The following FBXO6 variants were observed in gnomAD, a reference collection of about 807,000 sequenced individuals.
FBXO6 encodes the protein F-box protein 6.
In FBXO6, 13 loss-of-function variants were observed where a neutral mutation model predicts 25.0. That is an observed-to-expected ratio of 0.52 (90% confidence interval 0.34 to 0.83). The LOEUF (loss-of-function observed/expected upper bound fraction) is 0.83. FBXO6 is among the 40% of genes least tolerant of loss of function. The pLI, the probability that FBXO6 is intolerant of heterozygous loss-of-function variation, is 0.02. For missense variants in FBXO6, 370 were observed against 380.2 expected (o/e 0.97, Z 0.22); for synonymous variants, 138 against 155.3 (o/e 0.89, Z 0.83).
In FBXO6 at chr1:11,673,303, G is replaced by A; in HGVS notation, c.536G>A (p.Cys179Tyr). The change falls in exon 5 of 6, where the codon TGC becomes TAC. Residue 179 changes from cysteine (C) to tyrosine (Y), a missense_variant. Physicochemically the swap from Cys to Tyr is radical, Grantham distance 194. Coordinates refer to ENST00000376753, the MANE Select transcript of FBXO6 (RefSeq NM_018438.6). This position sits in a 1 kb window ranked among gnomAD's most constrained non-coding sequence, Gnocchi z 4.3. ...TTTGCTGCCAGAGCCGACTGTGGCT[G>A]CACCTACCAACTCAAAGTGCAGCTG... The part of the protein sequence containing the change: ...DWFAARADCG[C>Y]TYQLKVQLAS... The A allele has an allele frequency of 6.2e-7, 1 of 1,613,886 alleles. No homozygotes were observed. The highest frequency in any genetic ancestry group is 8.5e-7 in the Non-Finnish European group (1 of 1,179,948).
At chr1:11,665,429 G>C (rs1355335800) in intron 1 of FBXO6, among the ~76,000 whole-genome samples, 1 of 150,190 alleles carries the variant, frequency 6.7e-6, no homozygotes, top group Non-Finnish European at 1.5e-5. Flanking sequence ...CTAATTTTTT[G>C]TATTTTTAGT....
intron 1 of FBXO6, among the ~76,000 whole-genome samples, chr1:11,665,197 A>C (rs939264736): frequency 1.5e-5 from 2 of 129,118 alleles, no homozygotes; most frequent in Admixed American, 8.0e-5. Context: ...GGCACGGGCC[A>C]CCAGGCCTAG....
intron 2 of FBXO6, among the ~76,000 whole-genome samples, chr1:11,670,390 A>G (rs1040576946): frequency 6.6e-6 from 1 of 151,856 alleles, no homozygotes; most frequent in African/African-American, 2.4e-5. Context: ...CCCAAAGGGT[A>G]CCTGTTCTTC....
intron 1 of FBXO6, among the ~76,000 whole-genome samples, chr1:11,666,908 AG>A (rs1179284465): frequency 1.3e-5 from 2 of 152,040 alleles, no homozygotes; most frequent in Admixed American, 6.5e-5. Context: ...AGACTTCAGG[AG>A]GCTGAGGCGG....
At chr1:11,668,596 C>G in intron 1 of FBXO6, 60 bp from the exon 2 acceptor site, 1 of 1,575,664 alleles carries the variant, frequency 6.3e-7, no homozygotes, top group Non-Finnish European at 8.7e-7. Context: ...TGGCCTGGTT[C>G]CCTGGGGACC....
In FBXO6 at chr1:11,673,006, G is replaced by T. The variant is rs555834233; in HGVS notation, c.510-271G>T. ...GGACAGACCAGGCCTCTCTGGAGGG[G>T]TCTTTTGATTTTTGAGGTCATATCT... is the stretch of plus-strand genomic sequence containing the variant. On this transcript the variant is annotated intron_variant, in intron 4 of 5. Coordinates refer to ENST00000376753, the MANE Select transcript of FBXO6 (RefSeq NM_018438.6). The surrounding 1 kb of genome is among the most constrained non-coding windows in gnomAD (Gnocchi z 4.3). Among the ~76,000 whole-genome samples the T allele has an allele frequency of 6.6e-6, 1 of 152,220 alleles. No homozygotes were observed. Among genetic ancestry groups the T allele is most frequent in the Non-Finnish European group, 1.5e-5 (1 of 68,038 alleles).
rs1250543481 is a variant in FBXO6 at position 11,673,805 on chromosome 1, A to T, written c.836A>T (p.Glu279Val). ...CAGCCTGGGCAGAAGCATGGACAGG[A>T]GGAGGCTGCCCAATCGCCCTACCGA... ...EAQPGQKHGQ[E>V]EAAQSPYRAV... Residue 279 changes from glutamate (E) to valine (V), a missense_variant, in exon 6 of 6, where the codon GAG (glutamate) becomes GTG (valine). Coordinates refer to ENST00000376753, the MANE Select transcript of FBXO6 (RefSeq NM_018438.6). The surrounding 1 kb of genome is among the most constrained non-coding windows in gnomAD (Gnocchi z 4.3). 3 of 1,614,072 alleles carry T rather than the reference A, an allele frequency of 1.9e-6. No individual in the cohort carries two copies. Among genetic ancestry groups the T allele is most frequent in the Non-Finnish European group, 8.5e-7 (1 of 1,180,024 alleles).
At chr1:11,664,724 TC>T (rs1158737266) in intron 1 of FBXO6, 1 of 152,190 alleles carries the variant, frequency 6.6e-6, no homozygotes, top group Non-Finnish European at 1.5e-5. Context: ...AGTTTCTGTT[TC>T]CGAGAAACCG....
In FBXO6 at chr1:11,668,917, A is replaced by G. The variant is rs755551383; in HGVS notation, c.259A>G (p.Asn87Asp). ...CTACTTCCTACGGAGCCTGCATAGG[A>G]ACCTCCTGCGCAACCCGTGTGCTGA... The part of the protein sequence containing the change: ...IFYFLRSLHR[N>D]LLRNPCAEED... Residue 87 changes from asparagine (N) to aspartate (D), a missense_variant, in exon 2 of 6, where the codon AAC (asparagine) becomes GAC (aspartate). By Grantham distance (23) the Asn-to-Asp change is conservative. Coordinates refer to ENST00000376753, the MANE Select transcript of FBXO6 (RefSeq NM_018438.6). 3.1e-6 allele frequency: 5 copies of G among 1,613,936 alleles called. No homozygotes were observed. The East Asian group carries it at 1.1e-4, about 36-fold the overall frequency.
At chr1:11,664,690 C>CG (rs547610582) in intron 1 of FBXO6, 10 of 152,378 alleles carry the variant, frequency 6.6e-5, no homozygotes, top group African/African-American at 2.4e-4. Flanking sequence ...CTGCGAGATC[C>CG]GGCGCTTGCC....
chr1:11,672,131 C>A (rs1257456768), intron 4 of FBXO6, 108 bp downstream of exon 4: 2 of 1,038,720 alleles, frequency 1.9e-6, no homozygotes, highest in Non-Finnish European at 2.9e-6. Context: ...CAGCAGTGCC[C>A]TGGAGCCAGG....
chr1:11,673,497 G>T lies in FBXO6; in HGVS notation c.645+85G>T. 6.3e-7 allele frequency: 1 copy of T among 1,583,050 alleles called. No homozygotes were observed. The highest frequency in any genetic ancestry group is 1.2e-5 in the South Asian group (1 of 86,544). Reference sequence around the variant, plus strand: ...GCAAAGGGCAGCCTCAGGGCCCAGGGTGCCCCTGCTGGCCTGGAGCTGTTG... The same window carrying T: ...GCAAAGGGCAGCCTCAGGGCCCAGGTTGCCCCTGCTGGCCTGGAGCTGTTG... On this transcript the variant is annotated intron_variant, in intron 5 of 5. Transcript: ENST00000376753. This position sits in a 1 kb window ranked among gnomAD's most constrained non-coding sequence, Gnocchi z 4.3.
chr1:11,671,953 G>A lies in FBXO6; in HGVS notation c.439G>A (p.Asp147Asn). Residue 147 changes from aspartate (D) to asparagine (N), a missense_variant, in exon 4 of 6, where the codon GAC becomes AAC. Coordinates refer to ENST00000376753, the MANE Select transcript of FBXO6 (RefSeq NM_018438.6). ...YEMCLKSQLV[D>N]LVAEGYWEEL... is the part of the protein sequence containing the mutation. ...AATGTGCCTCAAGTCCCAGCTGGTG[G>A]ACCTTGTAGCCGAGGGCTACTGGGA... 6.2e-7 allele frequency: 1 copy of A among 1,614,202 alleles called. No homozygotes were observed. Among genetic ancestry groups the A allele is most frequent in the Non-Finnish European group, 8.5e-7 (1 of 1,180,008 alleles).
intron 1 of FBXO6, 137 bp from the exon 2 acceptor site, chr1:11,668,518 TC>T (rs1264044171): frequency 4.6e-6 from 5 of 1,095,652 alleles, no homozygotes; most frequent in Non-Finnish European, 6.4e-6. Flanking sequence ...TGCCTCAGCC[TC>T]CCAAGTACCT....
At chr1:11,671,472 T>A in intron 3 of FBXO6, 80 bp downstream of exon 3, 1 of 1,568,498 alleles carries the variant, frequency 6.4e-7, no homozygotes, top group East Asian at 2.3e-5. Context: ...AGGCAAAGTC[T>A]TCCTAAGGGA....
intron 1 of FBXO6, among the ~76,000 whole-genome samples, chr1:11,666,384 CTTTT>C (rs1240116498): frequency 7.5e-6 from 1 of 133,206 alleles, no homozygotes; most frequent in Non-Finnish European, 1.6e-5. Context: ...TTTTTCTTTT[CTTTT>C]TTTTTTTTTT....
At position 11,671,372 on chromosome 1, in the gene FBXO6, G is replaced by T; in HGVS notation, c.393G>T (p.Lys131Asn). 2 of 1,614,038 alleles carry T rather than the reference G, an allele frequency of 1.2e-6. No homozygotes were observed. The highest frequency in any genetic ancestry group is 1.7e-6 in the Non-Finnish European group (2 of 1,179,918). Residue 131 changes from lysine to asparagine, a missense_variant, in exon 3 of 6, where the codon AAG becomes AAT. Transcript: ENST00000376753. ...GTDFPDPKVK[K>N]YFVTSYEMCL... ...ATTTTCCTGACCCCAAAGTCAAGAA[G>T]TATTTTGTCACATCCTACGAGTAAG...
At chr1:11,672,508 T>C (rs543807693) in intron 4 of FBXO6, among the ~76,000 whole-genome samples, 47 of 152,288 alleles carry the variant, frequency 3.1e-4, no homozygotes, top group Non-Finnish European at 6.2e-4. Flanking sequence ...CAGGCTGGTT[T>C]CAAACTCCTG....
At chr1:11,668,972 C>T (rs1169173632) in intron 2 of FBXO6, 28 bp downstream of exon 2, 1 of 1,607,232 alleles carries the variant, frequency 6.2e-7, no homozygotes, top group Non-Finnish European at 8.5e-7. Context: ...TGGAGGCTGC[C>T]ACCAGGCTCG....
Sources: allele counts gnomAD v4.1 joint callset (sites outside exome capture counted in the v4.1 genomes callset), GRCh38; gene constraint gnomAD v4.1.1; non-coding constraint Gnocchi (gnomAD v3.1); transcripts MANE v1.5; gene names NCBI Gene and HGNC (gene_info 2026-07-23, HGNC 2026-07-21).